DACH1: variants seen among roughly 807,000 people sequenced by gnomAD.
The protein encoded by DACH1 is dachshund homolog 1.
A neutral mutation model predicts 54.2 loss-of-function variants in DACH1; 12 were observed. That is an observed-to-expected ratio of 0.22 (90% CI 0.14 to 0.36). The LOEUF (loss-of-function observed/expected upper bound fraction) is 0.36. Ranked by LOEUF, DACH1 falls within the 10% of genes least tolerant of loss-of-function variation. The pLI, the probability that DACH1 is intolerant of heterozygous loss-of-function variation, is 1.00. For synonymous variants in DACH1, 386 were observed against 366.2 expected, an observed-to-expected ratio of 1.05 and a Z score of -0.62; for missense variants, 805 against 929.8, an observed-to-expected ratio of 0.87 and a Z score of 1.75.
intron 2 of DACH1, among the ~76,000 whole-genome samples, chr13:71,638,444 T>C (rs1877654859): frequency 6.6e-6 from 1 of 152,182 alleles, no homozygotes; most frequent in African/African-American, 2.4e-5. Flanking sequence ...AAGGGGCACA[T>C]CATTTAAAAC....
At chr13:71,644,210 G>A (rs1381867239) in intron 2 of DACH1, among the ~76,000 whole-genome samples, 1 of 152,114 alleles carries the variant, frequency 6.6e-6, no homozygotes, top group Non-Finnish European at 1.5e-5. Flanking sequence ...TGTATTATCT[G>A]ACCTGTTTTA....
chr13:71,575,941 T>G (rs1885501088), intron 3 of DACH1, among the ~76,000 whole-genome samples: 1 of 152,088 alleles, frequency 6.6e-6, no homozygotes, highest in African/African-American at 2.4e-5. Context: ...TCTATTAGCA[T>G]GAATAAATAA....
intron 1 of DACH1, among the ~76,000 whole-genome samples, chr13:71,725,452 G>C (rs888064329): frequency 1.3e-5 from 2 of 152,008 alleles, no homozygotes; most frequent in African/African-American, 4.8e-5. Flanking sequence ...TAATATTAAA[G>C]TAAAATGCCC....
intron 1 of DACH1, among the ~76,000 whole-genome samples, chr13:71,751,091 C>G (rs747105092): frequency 4.6e-5 from 7 of 152,118 alleles, no homozygotes; most frequent in African/African-American, 1.4e-4. Flanking sequence ...TACCCAGAAC[C>G]CTTCTGTATG....
chr13:71,818,774 C>T (rs780357047), intron 1 of DACH1, among the ~76,000 whole-genome samples: 2 of 152,182 alleles, frequency 1.3e-5, no homozygotes, highest in Non-Finnish European at 2.9e-5. Flanking sequence ...GTGGATTCTC[C>T]TTTGGAGTGT....
intron 1 of DACH1, among the ~76,000 whole-genome samples, chr13:71,685,267 G>A (rs11842780): frequency 0.041 from 6,167 of 152,076 alleles, 380 homozygotes; most frequent in African/African-American, 0.14. Context: ...TCCACCAATA[G>A]AGATTTATTG....
At chr13:71,720,924 A>G (rs1883203983) in intron 1 of DACH1, among the ~76,000 whole-genome samples, 1 of 152,284 alleles carries the variant, frequency 6.6e-6, no homozygotes. Context: ...GTCATCACAT[A>G]CTGAAAGGAA....
At position 71,635,669 on chromosome 13, in the gene DACH1, C is replaced by T. The variant is rs1244653335; in HGVS notation, c.965-4952G>A. On this transcript the variant is annotated intron_variant, in intron 2 of 10. Coordinates refer to ENST00000613252, the MANE Select transcript of DACH1 (RefSeq NM_080759.6). ...CCTTTTCCTTCCTTTCTTCACTTAT[C>T]ATAGATCTTCTCCCCTGTCTTCAGA... Among the ~76,000 whole-genome samples the T allele has an allele frequency of 3.3e-5, 5 of 152,292 alleles. No individual in the cohort carries two copies. In the East Asian group the frequency reaches 9.6e-4, roughly 29 times the overall value.
At chr13:71,818,947 C>T (rs879321360) in intron 1 of DACH1, among the ~76,000 whole-genome samples, 2 of 152,134 alleles carry the variant, frequency 1.3e-5, no homozygotes, top group Non-Finnish European at 2.9e-5. Flanking sequence ...CCATCAAGGT[C>T]TCTATAGAGA....
chr13:71,743,697 G>A (rs924038895), intron 1 of DACH1, among the ~76,000 whole-genome samples: 2 of 152,018 alleles, frequency 1.3e-5, no homozygotes, highest in Non-Finnish European at 2.9e-5. Flanking sequence ...CAGATTTTAT[G>A]GCTTTATAAA....
chr13:71,830,946 G>A (rs1480348901), intron 1 of DACH1, among the ~76,000 whole-genome samples: 1 of 151,874 alleles, frequency 6.6e-6, no homozygotes, highest in Non-Finnish European at 1.5e-5. Context: ...TGTCAGCATG[G>A]TTCCAGAGGA....
intron 2 of DACH1, among the ~76,000 whole-genome samples, chr13:71,636,620 T>TA (rs927521508): frequency 3.1e-4 from 45 of 145,488 alleles, no homozygotes; most frequent in South Asian, 8.7e-4. Context: ...AAGGTTTCTT[T>TA]AAAAAAAAAA....
intron 1 of DACH1, among the ~76,000 whole-genome samples, chr13:71,804,449 G>A (rs1887413742): frequency 6.6e-6 from 1 of 152,046 alleles, no homozygotes; most frequent in African/African-American, 2.4e-5. Context: ...TCTCTCCTGG[G>A]CCACTTTATA....
At chr13:71,581,008 ATG>A (rs1409422442) in intron 3 of DACH1, among the ~76,000 whole-genome samples, 5 of 141,874 alleles carry the variant, frequency 3.5e-5, no homozygotes, top group Non-Finnish European at 7.8e-5. Context: ...GTTTGTCTTA[ATG>A]TAAGTTCCAC....
At chr13:71,636,553 A>AATC in intron 2 of DACH1, among the ~76,000 whole-genome samples, 1 of 112,802 alleles carries the variant, frequency 8.9e-6, no homozygotes, top group South Asian at 2.3e-4. Flanking sequence ...AAGTAAAAAT[A>AATC]ATAATAATAA....
At chr13:71,753,462 T>G (rs980292534) in intron 1 of DACH1, among the ~76,000 whole-genome samples, 2 of 152,332 alleles carry the variant, frequency 1.3e-5, no homozygotes, top group Middle Eastern at 6.8e-3. Flanking sequence ...TAACATCTGC[T>G]TGAAGATGTA....
intron 1 of DACH1, chr13:71,704,578 A>G (rs1248453703): frequency 2.1e-6 from 1 of 476,886 alleles, no homozygotes. Context: ...TGCTCCACCC[A>G]GAGAAGCACA....
intron 1 of DACH1, among the ~76,000 whole-genome samples, chr13:71,735,226 T>TGGATATACAC (rs1883983678): frequency 1.5e-5 from 2 of 130,690 alleles, no homozygotes; most frequent in African/African-American, 5.1e-5. Context: ...GATATACATA[T>TGGATATACAC]GTATATGGGA....
At chr13:71,486,706 G>C (rs952519280) in intron 7 of DACH1, among the ~76,000 whole-genome samples, 2 of 151,978 alleles carry the variant, frequency 1.3e-5, no homozygotes, top group African/African-American at 4.8e-5. Context: ...ATATGCATAT[G>C]CATATTAGAC....
Sources: gnomAD v4.1 joint callset for allele counts (sites outside exome capture counted in the v4.1 genomes callset) on GRCh38, gnomAD v4.1.1 for gene constraint, MANE v1.5 for transcripts, NCBI Gene and HGNC (gene_info 2026-07-23, HGNC 2026-07-21) for gene names.